The following SPATA33 variants were observed in gnomAD, a reference collection of about 807,000 sequenced individuals.
The protein encoded by SPATA33 is spermatogenesis associated 33.
In SPATA33, 10 loss-of-function variants were observed where a neutral mutation model predicts 8.9. The observed-to-expected ratio is 1.12, with a 90% CI of 0.69 to 1.90. SPATA33 has a LOEUF of 1.90. Ranked by LOEUF, SPATA33 falls within the 40% of genes most tolerant of loss-of-function variation. SPATA33 has a pLI of 0.00. For missense variants in SPATA33, 241 were observed against 178.3 expected (o/e 1.35, Z -2.00); for synonymous variants, 96 against 72.8 (o/e 1.32, Z -1.63).
rs368748329 is a variant in SPATA33, at chr16:89,669,544, C to T, written c.*47C>T. 3.1e-5 allele frequency: 49 copies of T among 1,575,830 alleles called. No individual in the cohort carries two copies. The highest frequency in any genetic ancestry group is 1.3e-4 in the South Asian group (12 of 89,804). On this transcript the variant is annotated 3_prime_UTR_variant, in exon 3 of 3. Coordinates refer to ENST00000579310, the MANE Select transcript of SPATA33 (RefSeq NM_001271907.2). Reference sequence around the variant, plus strand: ...TCGCTACTCCCTGCGATAGGCGTCTCGGGAACAGCCGCCTCACCCTGTGAG... The same window carrying T: ...TCGCTACTCCCTGCGATAGGCGTCTTGGGAACAGCCGCCTCACCCTGTGAG...
intron 2 of SPATA33, among the ~76,000 whole-genome samples, chr16:89,662,835 C>G (rs1000251385): frequency 6.6e-6 from 1 of 151,854 alleles, no homozygotes; most frequent in African/African-American, 2.4e-5. Context: ...GCTCTGTTGC[C>G]CAGGCTGGAG....
chr16:89,669,259 T>G (rs1242408789), intron 2 of SPATA33, 27 bp from the exon 3 acceptor site: 1 of 1,609,638 alleles, frequency 6.2e-7, no homozygotes, highest in Non-Finnish European at 8.5e-7. Flanking sequence ...ACACATCTAC[T>G]AAATGCCTGG....
Position 89,669,886 on chromosome 16 carries a change from A to T in SPATA33, c.*389A>T, listed in dbSNP as rs1321501935. ...TACACCAGGGTTGCCCCACCCTGTG[A>T]GAAGCCACCGCCCCCTTCTCCAGTG... On this transcript the variant is annotated 3_prime_UTR_variant, in exon 3 of 3. Transcript: ENST00000579310. 4.4e-6 allele frequency: 1 copy of T among 224,872 alleles called. No homozygotes were observed. Among genetic ancestry groups the T allele is most frequent in the Admixed American group, 5.5e-5 (1 of 18,152 alleles). 13.9% of individuals were successfully genotyped at this position (224,872 alleles called of 1,614,324 possible).
chr16:89,658,091 G>T (rs538677252), intron 1 of SPATA33, 143 bp downstream of exon 1: 2 of 1,482,044 alleles, frequency 1.3e-6, no homozygotes, highest in East Asian at 4.8e-5. Flanking sequence ...AGTCCGCCAC[G>T]GACGGCGCGT....
At chr16:89,662,632 G>A (rs996399899) in intron 2 of SPATA33, among the ~76,000 whole-genome samples, 1 of 152,076 alleles carries the variant, frequency 6.6e-6, no homozygotes, top group Non-Finnish European at 1.5e-5. Context: ...TCGCCACGTT[G>A]GCTAGGCTGG....
chr16:89,665,026 G>C (rs1211453401), intron 2 of SPATA33, among the ~76,000 whole-genome samples: 1 of 152,164 alleles, frequency 6.6e-6, no homozygotes, highest in Non-Finnish European at 1.5e-5. Flanking sequence ...TTGTTTCTGA[G>C]ATGGTCTCAC....
Position 89,669,990 on chromosome 16 carries a change from C to G in SPATA33, c.*493C>G, listed in dbSNP as rs1185630026. ...CTTCTCCAGTGCTCTCCAGCCCGCC[C>G]CACCCTGTGAGAAGCCATGGCCCCT... On this transcript the variant is annotated 3_prime_UTR_variant, in exon 3 of 3. Transcript: ENST00000579310. 2 of 158,182 alleles carry G rather than the reference C, an allele frequency of 1.3e-5. No homozygotes were observed. The highest frequency in any genetic ancestry group is 2.6e-5 in the African/African-American group (1 of 37,812). The allele number at this position is 158,182 out of a possible 1,614,324, so 9.8% of individuals were successfully genotyped here. A position where few individuals can be genotyped will look rare whatever the true frequency, so the allele number is the denominator to read the frequency against.
At chr16:89,658,000 G>A (rs966085380) in intron 1 of SPATA33, 52 bp downstream of exon 1, 37 of 1,503,580 alleles carry the variant, frequency 2.5e-5, no homozygotes, top group Non-Finnish European at 3.2e-5. Context: ...CTGGGCGCGG[G>A]CCCAGGGCGG....
At position 89,669,508 on chromosome 16, in the gene SPATA33, T is replaced by C. The variant is rs2060071389; in HGVS notation, c.*11T>C. 1.2e-6 allele frequency: 2 copies of C among 1,611,344 alleles called. No homozygotes were observed. Among genetic ancestry groups the C allele is most frequent in the Non-Finnish European group, 1.7e-6 (2 of 1,179,606 alleles). ...CATCTCAAAGAATAAACAAGCACCTTTGCATGGCACTCGCTACTCCCTGCG... is the reference window on the plus strand; with the variant it reads ...CATCTCAAAGAATAAACAAGCACCTCTGCATGGCACTCGCTACTCCCTGCG... On this transcript the variant is annotated 3_prime_UTR_variant, in exon 3 of 3. Transcript: ENST00000579310.
At chr16:89,666,416 G>A (rs553306923) in intron 2 of SPATA33, among the ~76,000 whole-genome samples, 6 of 152,152 alleles carry the variant, frequency 3.9e-5, no homozygotes, top group East Asian at 3.9e-4. Context: ...TAATCCCAGC[G>A]CTTTGGGAGG....
chr16:89,658,219 G>C (rs577562729), intron 1 of SPATA33, 29 bp from the exon 2 acceptor site: 4 of 1,612,892 alleles, frequency 2.5e-6, no homozygotes, highest in African/African-American at 1.3e-5. Flanking sequence ...GGTAAGTCCC[G>C]GGTCTAACGG....
At chr16:89,667,639 G>T (rs2060043900) in intron 2 of SPATA33, among the ~76,000 whole-genome samples, 1 of 152,076 alleles carries the variant, frequency 6.6e-6, no homozygotes, top group Non-Finnish European at 1.5e-5. Flanking sequence ...TTTCAGCCTG[G>T]GCCACAGACC....
At chr16:89,657,807 G>A, upstream of SPATA33, 2 of 1,491,856 alleles carry the variant, frequency 1.3e-6, no homozygotes, top group Non-Finnish European at 1.8e-6. Flanking sequence ...TCGCCATGGT[G>A]ACGCACGCCG....
At chr16:89,658,512 G>A (rs1208652041) in intron 2 of SPATA33, 91 bp downstream of exon 2, 4 of 1,475,352 alleles carry the variant, frequency 2.7e-6, no homozygotes, top group Non-Finnish European at 3.6e-6. Context: ...CCTACCGGAT[G>A]GACACTAGTA....
intron 2 of SPATA33, chr16:89,661,328 T>C (rs929533921): frequency 4.2e-6 from 2 of 472,164 alleles, no homozygotes; most frequent in African/African-American, 4.2e-5. Flanking sequence ...TTCGTGATAG[T>C]GAATGAGTGT....
intron 2 of SPATA33, chr16:89,661,236 A>C (rs2059962613): frequency 1.0e-6 from 1 of 984,014 alleles, no homozygotes; most frequent in African/African-American, 1.7e-5. Context: ...TCCTCACCCA[A>C]ATCTCATTTT....
chr16:89,668,440 AC>A (rs2060054606), intron 2 of SPATA33, among the ~76,000 whole-genome samples: 2 of 150,480 alleles, frequency 1.3e-5, no homozygotes, highest in South Asian at 2.1e-4. Flanking sequence ...CACTGTAGTT[AC>A]GTTTCTGTAA....
chr16:89,666,150 G>A (rs890579355), intron 2 of SPATA33, among the ~76,000 whole-genome samples: 6 of 152,016 alleles, frequency 3.9e-5, no homozygotes, highest in East Asian at 1.9e-4. Flanking sequence ...TGAGGGGGTC[G>A]GGCCCTCTGA....
intron 2 of SPATA33, among the ~76,000 whole-genome samples, chr16:89,666,387 C>T (rs146105312): frequency 3.3e-5 from 5 of 151,966 alleles, no homozygotes; most frequent in African/African-American, 7.3e-5. Flanking sequence ...ATGGCCGGCA[C>T]AGTGGTTCAT....
Sources: allele counts gnomAD v4.1 joint callset (sites outside exome capture counted in the v4.1 genomes callset), GRCh38; gene constraint gnomAD v4.1.1; transcripts MANE v1.5; gene names NCBI Gene and HGNC (gene_info 2026-07-23, HGNC 2026-07-21).